Variants in DAP3 observed in about 807,000 individuals in gnomAD.
The protein encoded by DAP3 is small ribosomal subunit protein mS29.
DAP3 carries 28 observed loss-of-function variants against 51.9 expected under a neutral mutation model. That is an observed-to-expected ratio of 0.54 (90% confidence interval 0.40 to 0.74). The LOEUF (loss-of-function observed/expected upper bound fraction) is 0.74, where lower values mean the gene tolerates loss of function less well. Ranked by LOEUF, DAP3 falls within the 30% of genes least tolerant of loss-of-function variation. The pLI, the probability that DAP3 is intolerant of heterozygous loss-of-function variation, is 0.00. For synonymous variants in DAP3, 170 were observed against 170.3 expected (o/e 1.00, Z 0.01); for missense variants, 458 against 483.5 (o/e 0.95, Z 0.49).
At chr1:155,720,897 C>T (rs1186213179) in intron 3 of DAP3, among the ~76,000 whole-genome samples, 1 of 151,798 alleles carries the variant, frequency 6.6e-6, no homozygotes. Flanking sequence ...ATTAGCTGGG[C>T]GTGGTGGCGC....
intron 1 of DAP3, among the ~76,000 whole-genome samples, chr1:155,695,595 A>G (rs1008565890): frequency 2.6e-5 from 4 of 152,254 alleles, no homozygotes; most frequent in Admixed American, 6.5e-5. Flanking sequence ...TCCCGAGCAC[A>G]CACAGCTGTT....
In DAP3 at chr1:155,698,662, A is replaced by T. The variant is rs144696354; in HGVS notation, c.-8+9488A>T. Reference sequence around the variant, plus strand: ...TTAAGGTCCTTTCCAATTCTTTCCCAATCTTTCAATTCCAAAGTTCTCTGT... The same window carrying T: ...TTAAGGTCCTTTCCAATTCTTTCCCTATCTTTCAATTCCAAAGTTCTCTGT... On this transcript the variant is annotated intron_variant, in intron 1 of 12. Coordinates refer to ENST00000368336, the MANE Select transcript of DAP3 (RefSeq NM_004632.4). Among the ~76,000 whole-genome samples, 49 of 152,276 alleles carry T rather than the reference A, an allele frequency of 3.2e-4. 1 individual carries two copies. Among genetic ancestry groups the T allele is most frequent in the African/African-American group, 9.6e-4 (40 of 41,562 alleles).
chr1:155,688,353 G>A (rs1487316944), upstream of DAP3: 5 of 1,548,180 alleles, frequency 3.2e-6, no homozygotes, highest in Admixed American at 2.0e-5. Context: ...AGTGGCCGCG[G>A]CAGCTCCTCC....
At chr1:155,731,036 G>A (rs976221509) in intron 9 of DAP3, among the ~76,000 whole-genome samples, 6 of 152,252 alleles carry the variant, frequency 3.9e-5, no homozygotes, top group East Asian at 1.9e-4. Flanking sequence ...TTGGTAGGCC[G>A]AGGTGGGTGG....
chr1:155,694,028 G>A (rs1016524497), intron 1 of DAP3, among the ~76,000 whole-genome samples: 1 of 141,854 alleles, frequency 7.0e-6, no homozygotes, highest in Non-Finnish European at 1.5e-5. Flanking sequence ...TCATTTGACT[G>A]TTGTTGAGGT....
chr1:155,719,027 T>C (rs1271146929), intron 3 of DAP3, among the ~76,000 whole-genome samples: 1 of 152,136 alleles, frequency 6.6e-6, no homozygotes, highest in African/African-American at 2.4e-5. Context: ...TGATGAGCAA[T>C]TGGCTTCATT....
intron 1 of DAP3, among the ~76,000 whole-genome samples, chr1:155,708,545 T>G (rs1401125022): frequency 2.8e-5 from 4 of 142,800 alleles, no homozygotes; most frequent in African/African-American, 5.2e-5. Flanking sequence ...TTTTTGTTTT[T>G]TTTTTTTTTT....
chr1:155,729,973 G>A (rs1386420733), intron 9 of DAP3, among the ~76,000 whole-genome samples: 1 of 151,276 alleles, frequency 6.6e-6, no homozygotes. Flanking sequence ...CCAGTTACTC[G>A]GGAGGCTGAG....
chr1:155,727,578 CTTG>C, intron 6 of DAP3, 27 bp from the exon 7 acceptor site: 1 of 1,603,558 alleles, frequency 6.2e-7, no homozygotes, highest in Non-Finnish European at 8.5e-7. Flanking sequence ...TTCTGCCTGG[CTTG>C]TTTTCTTCTG....
chr1:155,738,009 G>A (rs1659983060), intron 12 of DAP3, 148 bp from the exon 13 acceptor site: 1 of 698,482 alleles, frequency 1.4e-6, no homozygotes, highest in South Asian at 1.9e-5. Context: ...AGCTTGTTGG[G>A]GTGAGGGTCT....
intron 11 of DAP3, among the ~76,000 whole-genome samples, chr1:155,733,872 G>T (rs1218859004): frequency 1.3e-5 from 2 of 151,916 alleles, no homozygotes; most frequent in African/African-American, 2.4e-5. Context: ...ATTCCTTCAT[G>T]GCCAGGCTTG....
intron 4 of DAP3, 51 bp downstream of exon 4, chr1:155,721,669 G>T (rs758451367): frequency 1.9e-6 from 3 of 1,564,520 alleles, no homozygotes; most frequent in Non-Finnish European, 2.6e-6. Context: ...ACAAGCTGCT[G>T]CTAGCAAAGG....
intron 11 of DAP3, among the ~76,000 whole-genome samples, chr1:155,734,516 G>T (rs1034006386): frequency 2.6e-5 from 4 of 152,038 alleles, no homozygotes; most frequent in African/African-American, 4.8e-5. Context: ...TCTGTCATGA[G>T]AATATGTTCC....
chr1:155,728,804 G>A (rs563756232), intron 7 of DAP3, among the ~76,000 whole-genome samples: 17 of 151,308 alleles, frequency 1.1e-4, no homozygotes, highest in African/African-American at 3.6e-4. Flanking sequence ...ATGTTGCAGC[G>A]AGCTGAGATC....
intron 1 of DAP3, among the ~76,000 whole-genome samples, chr1:155,702,698 C>T (rs1001895936): frequency 5.3e-5 from 8 of 151,954 alleles, no homozygotes; most frequent in South Asian, 2.1e-4. Flanking sequence ...AGGCCGGGCA[C>T]GATGGCTCAC....
chr1:155,718,488 T>C (rs1222534880), intron 3 of DAP3, among the ~76,000 whole-genome samples: 2 of 151,802 alleles, frequency 1.3e-5, no homozygotes, highest in African/African-American at 4.8e-5. Flanking sequence ...ACTGAGACCA[T>C]CCTGGCTAAC....
At chr1:155,725,301 A>G in intron 4 of DAP3, 81 bp from the exon 5 acceptor site, 2 of 1,264,446 alleles carry the variant, frequency 1.6e-6, no homozygotes, top group South Asian at 2.5e-5. Flanking sequence ...CTTGGTTGCC[A>G]CTTTAGGCAG....
chr1:155,735,301 C>T (rs942032134), intron 11 of DAP3, among the ~76,000 whole-genome samples: 1 of 151,170 alleles, frequency 6.6e-6, no homozygotes, highest in Non-Finnish European at 1.5e-5. Context: ...TTGGGCCGGG[C>T]GCAGTGGCTC....
chr1:155,688,693 C>T (rs1653122989), upstream of DAP3: 2 of 1,525,160 alleles, frequency 1.3e-6, no homozygotes, highest in Non-Finnish European at 1.7e-6. Context: ...TCTCCACCTC[C>T]TCTTCTCTCC....
Sources: allele counts gnomAD v4.1 joint callset (sites outside exome capture counted in the v4.1 genomes callset), GRCh38; gene constraint gnomAD v4.1.1; transcripts MANE v1.5; gene names NCBI Gene and HGNC (gene_info 2026-07-23, HGNC 2026-07-21).